Variants in MINAR1 observed in about 807,000 individuals in gnomAD.
MINAR1 encodes major intrinsically disordered Notch2-binding receptor 1.
In MINAR1, 40 loss-of-function variants were observed where a neutral mutation model predicts 65.1. The observed-to-expected ratio is 0.61, with a 90% CI of 0.48 to 0.80. The LOEUF (loss-of-function observed/expected upper bound fraction) is 0.80, where lower values mean the gene tolerates loss of function less well. Among genes scored for constraint, MINAR1 ranks in the 30% least tolerant of loss-of-function variants. The probability of loss-of-function intolerance (pLI) is 0.00; values close to 1 mark genes in which losing one functional copy is unlikely to be tolerated. For synonymous variants in MINAR1, 482 were observed against 449.1 expected (o/e 1.07, Z -0.93); for missense variants, 1,128 against 1,148.0 (o/e 0.98, Z 0.25).
rs533889657 is a variant in MINAR1 at position 79,469,752 on chromosome 15, G to C, written c.*1368G>C. 2 of 152,610 alleles carry C rather than the reference G, an allele frequency of 1.3e-5. No homozygotes were observed. The highest frequency in any genetic ancestry group is 3.9e-4 in the East Asian group (2 of 5,180). The allele number at this position is 152,610 out of a possible 1,614,324, so 9.5% of individuals were successfully genotyped here. On this transcript the variant is annotated 3_prime_UTR_variant, in exon 4 of 4. Coordinates refer to ENST00000305428, the MANE Select transcript of MINAR1 (RefSeq NM_015206.3). ...TATCAGCATCTGATTCCAATGTCTTGTTACAGGTCAAAGAAAAAAGGATTG... is the reference window on the plus strand; with the variant it reads ...TATCAGCATCTGATTCCAATGTCTTCTTACAGGTCAAAGAAAAAAGGATTG...
chr15:79,434,285 AT>A (rs1005190744), intron 1 of MINAR1, among the ~76,000 whole-genome samples: 5 of 151,994 alleles, frequency 3.3e-5, no homozygotes, highest in Admixed American at 2.6e-4. Flanking sequence ...ACATAATGCG[AT>A]TTTTTTTCTG....
At position 79,471,581 on chromosome 15, in the gene MINAR1, T is replaced by A. The variant is rs1235687049; in HGVS notation, c.*3197T>A. ...GTGATTGACATCTGTAAGGCTAGTTTAATAGACGTGCTAAATATCACTGTT... is the reference window on the plus strand; with the variant it reads ...GTGATTGACATCTGTAAGGCTAGTTAAATAGACGTGCTAAATATCACTGTT... On this transcript the variant is annotated 3_prime_UTR_variant, in exon 4 of 4. Transcript: ENST00000305428. 6.6e-6 allele frequency: 1 copy of A among 152,636 alleles called. No individual in the cohort carries two copies. Among genetic ancestry groups the A allele is most frequent in the Admixed American group, 6.5e-5 (1 of 15,278 alleles). 9.5% of individuals were successfully genotyped at this position (152,636 alleles called of 1,614,324 possible).
chr15:79,457,103 C>A lies in MINAR1; in HGVS notation c.956C>A (p.Pro319Gln). The change falls in exon 2 of 4, where the codon CCG (proline) becomes CAG (glutamine). Residue 319 changes from proline to glutamine, a missense_variant. Transcript: ENST00000305428. The part of the protein sequence containing the change: ...NSQYLNPVYS[P>Q]VPDKRRAKHE... ...CAGTACCTGAATCCAGTGTATTCCC[C>A]GGTTCCTGACAAAAGGCGAGCAAAG... 6.2e-7 allele frequency: 1 copy of A among 1,614,116 alleles called. No homozygotes were observed. Among genetic ancestry groups the A allele is most frequent in the Non-Finnish European group, 8.5e-7 (1 of 1,180,020 alleles).
Position 79,456,488 on chromosome 15 carries a change from A to C in MINAR1, c.341A>C (p.Lys114Thr). Reference sequence around the variant, plus strand: ...CCCACGGGCCGCCAGAAGGTACGCAAGAAGGAGGCATCCTTTGAATCATGT... The same window carrying C: ...CCCACGGGCCGCCAGAAGGTACGCACGAAGGAGGCATCCTTTGAATCATGT... Reference protein sequence around the residue: ...KLPTGRQKVRKKEASFESCRS... With the variant: ...KLPTGRQKVRTKEASFESCRS... Residue 114 changes from lysine to threonine, a missense_variant, in exon 2 of 4, where the codon AAG becomes ACG. Transcript: ENST00000305428. 1 of 1,614,108 alleles carries C rather than the reference A, an allele frequency of 6.2e-7. No individual in the cohort carries two copies. The highest frequency in any genetic ancestry group is 1.1e-5 in the South Asian group (1 of 91,090).
intron 1 of MINAR1, among the ~76,000 whole-genome samples, chr15:79,447,220 T>C (rs1281111187): frequency 6.6e-6 from 1 of 152,198 alleles, no homozygotes; most frequent in African/African-American, 2.4e-5. Context: ...TATCTCTTTG[T>C]GCTGCATTCA....
At position 79,470,109 on chromosome 15, in the gene MINAR1, A is replaced by AT. The variant is rs1449226814; in HGVS notation, c.*1729dup. ...TTTGTATTATCATGTTTATGTATGG[A>AT]TTTTCAATTTCAGTAACCGAAAACT... On this transcript the variant is annotated 3_prime_UTR_variant, in exon 4 of 4. Transcript: ENST00000305428. 1 of 152,512 alleles carries AT rather than the reference A, an allele frequency of 6.6e-6. No individual in the cohort carries two copies. Among genetic ancestry groups the AT allele is most frequent in the African/African-American group, 2.4e-5 (1 of 41,444 alleles). 9.4% of individuals were successfully genotyped at this position (152,512 alleles called of 1,614,324 possible).
chr15:79,466,735 A>G (rs7169643), intron 3 of MINAR1, among the ~76,000 whole-genome samples: 148,244 of 152,290 alleles, frequency 0.97, 72,187 homozygotes, highest in East Asian at 1. Context: ...CAGGCAGGTG[A>G]CATTCTCAAA....
Position 79,436,621 on chromosome 15 carries a change from G to A in MINAR1, c.-51+4081G>A, listed in dbSNP as rs565006244. On this transcript the variant is annotated intron_variant, in intron 1 of 3. Coordinates refer to ENST00000305428, the MANE Select transcript of MINAR1 (RefSeq NM_015206.3). ...TTGGTGGAATGAATTGAATGACTGT[G>A]TCATAGGACTGTGACATGCCAATGT... Among the ~76,000 whole-genome samples the A allele has an allele frequency of 9.2e-5, 14 of 152,340 alleles. No homozygotes were observed. The South Asian group carries it at 2.9e-3, about 32-fold the overall frequency.
intron 1 of MINAR1, among the ~76,000 whole-genome samples, chr15:79,436,905 T>A (rs1487088813): frequency 6.6e-6 from 1 of 152,216 alleles, no homozygotes; most frequent in East Asian, 1.9e-4. Context: ...AGTGTCTTAC[T>A]CAATATGTGT....
rs369542829 is a variant in MINAR1 at position 79,457,786 on chromosome 15, T to C, written c.1639T>C (p.Ser547Pro). The C allele has an allele frequency of 5.6e-6, 9 of 1,614,018 alleles. No homozygotes were observed. The highest frequency in any genetic ancestry group is 6.8e-6 in the Non-Finnish European group (8 of 1,180,016). The change falls in exon 2 of 4, where the codon TCC becomes CCC. Residue 547 changes from serine (S) to proline (P), a missense_variant. Transcript: ENST00000305428. Reference sequence around the variant, plus strand: ...GTCGTCCTGCTACAACAGCACAGGATCCTTGTCTCAGCTCCATAAGTCAGA... The same window carrying C: ...GTCGTCCTGCTACAACAGCACAGGACCCTTGTCTCAGCTCCATAAGTCAGA... ...IQSSCYNSTG[S>P]LSQLHKSDCD...
At chr15:79,458,758 G>A (rs1895535413) in intron 2 of MINAR1, among the ~76,000 whole-genome samples, 2 of 152,218 alleles carry the variant, frequency 1.3e-5, no homozygotes, top group South Asian at 4.1e-4. Flanking sequence ...ATCAGAGCAG[G>A]CAAGCATCAC....
chr15:79,451,938 G>A, intron 1 of MINAR1, among the ~76,000 whole-genome samples: 1 of 152,180 alleles, frequency 6.6e-6, no homozygotes, highest in East Asian at 1.9e-4. Context: ...TAAACCCTGA[G>A]GACAGAGCTA....
chr15:79,464,450 G>C (rs1378012525), intron 3 of MINAR1, among the ~76,000 whole-genome samples: 2 of 152,186 alleles, frequency 1.3e-5, no homozygotes, highest in Admixed American at 1.3e-4. Flanking sequence ...ACCATCTTCA[G>C]TTTACAAATG....
At chr15:79,452,638 GT>G (rs1406394304) in intron 1 of MINAR1, among the ~76,000 whole-genome samples, 13 of 151,010 alleles carry the variant, frequency 8.6e-5, no homozygotes, top group African/African-American at 2.7e-4. Context: ...CTGTGTGTGT[GT>G]GGGTGTGTGT....
At chr15:79,426,478 G>A in the MINAR1 span, 2 of 152,236 alleles carry the variant, frequency 1.3e-5, no homozygotes, top group Non-Finnish European at 2.9e-5. Context: ...GAAATAGGGA[G>A]AGAATTTGGA....
At chr15:79,437,721 TAGTG>T (rs143495409) in intron 1 of MINAR1, among the ~76,000 whole-genome samples, 1,807 of 14,274 alleles carry the variant, frequency 0.13, 351 homozygotes, top group Non-Finnish European at 0.18. Flanking sequence ...TGTGGGTGGG[TAGTG>T]AGTGTGTGGG....
At chr15:79,425,478 C>T in the MINAR1 span, 1 of 152,210 alleles carries the variant, frequency 6.6e-6, no homozygotes, top group Admixed American at 6.5e-5. Flanking sequence ...CTCATTCCTC[C>T]CTCACCTCAC....
chr15:79,428,626 C>T (rs1247566355), upstream of MINAR1, among the ~76,000 whole-genome samples: 1 of 152,066 alleles, frequency 6.6e-6, no homozygotes, highest in East Asian at 1.9e-4. Context: ...TTTATCTCAT[C>T]TTCCCAAAAA....
rs111309642 is a variant in MINAR1 at position 79,470,967 on chromosome 15, T to A, written c.*2583T>A. 3 of 152,200 alleles carry A rather than the reference T, an allele frequency of 2.0e-5. No individual in the cohort carries two copies. The highest frequency in any genetic ancestry group is 3.9e-4 in the East Asian group (2 of 5,188). 9.4% of individuals were successfully genotyped at this position (152,200 alleles called of 1,614,324 possible). ...TTCACAGTTGGAGCTTTTCTTGCCA[T>A]TGACCCCAAGCTCACCCCAGCCTTC... On this transcript the variant is annotated 3_prime_UTR_variant, in exon 4 of 4. Transcript: ENST00000305428.
Sources: allele counts gnomAD v4.1 joint callset (sites outside exome capture counted in the v4.1 genomes callset), GRCh38; gene constraint gnomAD v4.1.1; transcripts MANE v1.5; gene names NCBI Gene and HGNC (gene_info 2026-07-23, HGNC 2026-07-21).